Variants in UMAD1 observed in about 807,000 individuals in gnomAD.
The protein encoded by UMAD1 is UBAP1-MVB12-associated (UMA)-domain containing protein 1.
Under a neutral mutation model 6.1 loss-of-function variants are expected in UMAD1, and 8 were observed. That is an observed-to-expected ratio of 1.30 (90% CI 0.76 to 2.35). The LOEUF is 2.35. UMAD1 is among the 30% of genes most tolerant of loss of function. The pLI, the probability that UMAD1 is intolerant of heterozygous loss-of-function variation, is 0.00. For missense variants in UMAD1, 130 were observed against 78.4 expected (o/e 1.66, Z -2.49); for synonymous variants, 56 against 31.4 (o/e 1.78, Z -2.61).
chr7:7,725,518 T>C (rs1781123225), intron 2 of UMAD1, among the ~76,000 whole-genome samples: 1 of 152,154 alleles, frequency 6.6e-6, no homozygotes, highest in African/African-American at 2.4e-5. Context: ...TACTCTCCTT[T>C]TGAGAGACAG....
rs546480787 is a variant in UMAD1, at chr7:7,763,031, T to G, written c.83-38639T>G. Among the ~76,000 whole-genome samples the G allele has an allele frequency of 3.9e-5, 6 of 152,328 alleles. No individual in the cohort carries two copies. The East Asian group carries it at 1.2e-3, about 29-fold the overall frequency. On this transcript the variant is annotated intron_variant, in intron 2 of 3. Transcript: ENST00000682710. Reference sequence around the variant, plus strand: ...GAGTTTTATGTTTATGGAAACCTAGTATTTAGGAAATAAATATCCTGAAAT... The same window carrying G: ...GAGTTTTATGTTTATGGAAACCTAGGATTTAGGAAATAAATATCCTGAAAT...
At chr7:7,668,870 C>A (rs1297482209) in intron 1 of UMAD1, among the ~76,000 whole-genome samples, 2 of 152,134 alleles carry the variant, frequency 1.3e-5, no homozygotes, top group East Asian at 3.8e-4. Flanking sequence ...TCAGGAGGAA[C>A]CAGCTCTGGA....
intron 2 of UMAD1, among the ~76,000 whole-genome samples, chr7:7,683,015 A>C (rs754934779): frequency 6.6e-5 from 10 of 152,224 alleles, no homozygotes; most frequent in South Asian, 2.1e-4. Context: ...AGGTTAGGCC[A>C]TCCCCGTGTG....
chr7:7,781,940 A>C (rs914624276), intron 2 of UMAD1, among the ~76,000 whole-genome samples: 29 of 152,222 alleles, frequency 1.9e-4, no homozygotes, highest in African/African-American at 7.0e-4. Context: ...CATTTTTATC[A>C]GTTCTCAACT....
At chr7:7,643,118 C>T (rs1488843020) in intron 1 of UMAD1, among the ~76,000 whole-genome samples, 1 of 152,116 alleles carries the variant, frequency 6.6e-6, no homozygotes, top group African/African-American at 2.4e-5. Flanking sequence ...ATTTGCTTCT[C>T]TAAAAATGAT....
intron 1 of UMAD1, among the ~76,000 whole-genome samples, chr7:7,663,709 A>G (rs34302387): frequency 0.18 from 27,346 of 152,212 alleles, 2,661 homozygotes; most frequent in Middle Eastern, 0.23. Flanking sequence ...ACACACTGAT[A>G]GGCAAATAAG....
At chr7:7,816,536 G>T (rs1291736428) in intron 3 of UMAD1, among the ~76,000 whole-genome samples, 1 of 152,172 alleles carries the variant, frequency 6.6e-6, no homozygotes, top group Admixed American at 6.6e-5. Flanking sequence ...TGGGATATAT[G>T]CCACCAGTGT....
chr7:7,801,705 G>C lies in UMAD1; in HGVS notation c.118G>C (p.Gly40Arg), dbSNP rs994095654. 6 of 717,968 alleles carry C rather than the reference G, an allele frequency of 8.4e-6. No individual in the cohort carries two copies. Among genetic ancestry groups the C allele is most frequent in the Non-Finnish European group, 1.6e-5 (6 of 385,232 alleles). 44.5% of individuals were successfully genotyped at this position (717,968 alleles called of 1,614,324 possible). A position where few individuals can be genotyped will look rare whatever the true frequency, so the allele number is the denominator to read the frequency against. Residue 40 changes from glycine (G) to arginine (R), a missense_variant, in exon 3 of 4, where the codon GGC becomes CGC. Physicochemically the swap from Gly to Arg is moderately radical, Grantham distance 125. Coordinates refer to ENST00000682710, the MANE Select transcript of UMAD1 (RefSeq NM_001302348.2). ...TTDEQRMTAR[G>R]KTSDIEANQP... is the part of the protein sequence containing the mutation. ...AGATGAGCAAAGAATGACAGCAAGA[G>C]GCAAAACTTCGGACATAGAGGCCAA...
intron 2 of UMAD1, among the ~76,000 whole-genome samples, chr7:7,782,425 A>G (rs577500030): frequency 6.6e-6 from 1 of 152,122 alleles, no homozygotes; most frequent in South Asian, 2.1e-4. Flanking sequence ...GGGTTGTCTT[A>G]TCTCATCTTT....
rs1377192602 is a variant in UMAD1, at chr7:7,801,611, T to G, written c.83-59T>G. 3 of 680,142 alleles carry G rather than the reference T, an allele frequency of 4.4e-6. No individual in the cohort carries two copies. In the African/African-American group the frequency reaches 5.4e-5, roughly 12 times the overall value. The allele number at this position is 680,142 out of a possible 1,614,324, so 42.1% of individuals were successfully genotyped here. ...AAAGATACTTCAAACAAATAGCAAG[T>G]AGTTTGGCCTCAGTAATATGGTCAA... On this transcript the variant is annotated intron_variant, in intron 2 of 3. Coordinates refer to ENST00000682710, the MANE Select transcript of UMAD1 (RefSeq NM_001302348.2).
In UMAD1 at chr7:7,877,679, C is replaced by T. The variant is rs796128817; in HGVS notation, c.*141C>T. 2 of 595,742 alleles carry T rather than the reference C, an allele frequency of 3.4e-6. No individual in the cohort carries two copies. The highest frequency in any genetic ancestry group is 6.0e-6 in the Non-Finnish European group (2 of 333,330). The allele number at this position is 595,742 out of a possible 1,614,324, so 36.9% of individuals were successfully genotyped here. A position where few individuals can be genotyped will look rare whatever the true frequency, so the allele number is the denominator to read the frequency against. On this transcript the variant is annotated 3_prime_UTR_variant, in exon 4 of 4. Coordinates refer to ENST00000682710, the MANE Select transcript of UMAD1 (RefSeq NM_001302348.2). ...AAAGAAAATAGCATTATGTTCACTACTCTATTTTTAAGAAAAAGGTACATT... is the reference window on the plus strand; with the variant it reads ...AAAGAAAATAGCATTATGTTCACTATTCTATTTTTAAGAAAAAGGTACATT...
At chr7:7,671,320 A>G in intron 1 of UMAD1, among the ~76,000 whole-genome samples, 1 of 152,054 alleles carries the variant, frequency 6.6e-6, no homozygotes, top group Non-Finnish European at 1.5e-5. Flanking sequence ...TTATTTGAGG[A>G]TATCTTGGCT....
intron 2 of UMAD1, among the ~76,000 whole-genome samples, chr7:7,743,803 A>G (rs911233682): frequency 3.3e-5 from 5 of 151,962 alleles, no homozygotes; most frequent in African/African-American, 9.7e-5. Context: ...AACCATTTAC[A>G]AGTGTACAAT....
intron 1 of UMAD1, among the ~76,000 whole-genome samples, chr7:7,664,758 G>GT (rs1479397586): frequency 2.6e-5 from 4 of 152,124 alleles, no homozygotes; most frequent in African/African-American, 9.7e-5. Flanking sequence ...GTTGTTTTAG[G>GT]TTGTGTATTC....
intron 2 of UMAD1, among the ~76,000 whole-genome samples, chr7:7,733,278 A>G (rs1781292173): frequency 6.6e-6 from 1 of 152,140 alleles, no homozygotes; most frequent in Non-Finnish European, 1.5e-5. Flanking sequence ...TTTCAAAGAT[A>G]CCACTAGGCT....
At chr7:7,720,694 T>G (rs1251103497) in intron 2 of UMAD1, among the ~76,000 whole-genome samples, 1 of 152,204 alleles carries the variant, frequency 6.6e-6, no homozygotes, top group Non-Finnish European at 1.5e-5. Context: ...TTTTTGTGTA[T>G]TTTTATTTAA....
intron 3 of UMAD1, among the ~76,000 whole-genome samples, chr7:7,828,087 C>G (rs551732617): frequency 1.1e-4 from 16 of 152,220 alleles, no homozygotes; most frequent in African/African-American, 3.6e-4. Context: ...TGTCATTCAC[C>G]ACTACCATCT....
chr7:7,689,934 T>C (rs1009240462), intron 2 of UMAD1, among the ~76,000 whole-genome samples: 5 of 152,210 alleles, frequency 3.3e-5, no homozygotes, highest in Admixed American at 2.6e-4. Flanking sequence ...GCTCACATAA[T>C]AGTTTGCTAC....
At chr7:7,707,802 T>C (rs1780643994) in intron 2 of UMAD1, among the ~76,000 whole-genome samples, 1 of 152,218 alleles carries the variant, frequency 6.6e-6, no homozygotes, top group South Asian at 2.1e-4. Context: ...ACTTGAAATA[T>C]AAAGATGCTT....
Sources: allele counts gnomAD v4.1 joint callset (sites outside exome capture counted in the v4.1 genomes callset), GRCh38; gene constraint gnomAD v4.1.1; transcripts MANE v1.5; gene names NCBI Gene and HGNC (gene_info 2026-07-23, HGNC 2026-07-21).